WDPCP: variants seen among roughly 807,000 people sequenced by gnomAD.
WDPCP encodes the protein WD repeat containing planar cell polarity effector, also known as WD repeat-containing and planar cell polarity effector protein fritz homolog.
In WDPCP, 71 loss-of-function variants were observed where a neutral mutation model predicts 93.1. The observed-to-expected ratio is 0.76, with a 90% CI of 0.63 to 0.93. WDPCP has a LOEUF of 0.93. Among genes scored for constraint, WDPCP ranks in the 40% least tolerant of loss-of-function variants. The pLI is 0.00. For synonymous variants in WDPCP, 315 were observed against 315.0 expected, an observed-to-expected ratio of 1.00 and a Z score of 0.00; for missense variants, 844 against 887.4, an observed-to-expected ratio of 0.95 and a Z score of 0.62.
chr2:63,804,565 A>G (rs948007929), intron 2 of WDPCP, among the ~76,000 whole-genome samples: 3 of 151,112 alleles, frequency 2.0e-5, no homozygotes, highest in African/African-American at 7.3e-5. Context: ...CAAGCCAGAC[A>G]CTTATCCTAA....
intron 14 of WDPCP, among the ~76,000 whole-genome samples, chr2:63,259,010 C>G (rs1433936728): frequency 2.0e-5 from 3 of 152,088 alleles, no homozygotes; most frequent in African/African-American, 7.2e-5. Context: ...ATTTTAGTAA[C>G]AGCACTATGA....
chr2:63,497,587 T>C lies in WDPCP; in HGVS notation c.76-4647A>G, dbSNP rs183214371. 1.4e-4 allele frequency among the ~76,000 whole-genome samples: 21 copies of C among 152,256 alleles called. No homozygotes were observed. In the East Asian group the frequency reaches 3.7e-3, roughly 27 times the overall value. On this transcript the variant is annotated intron_variant, in intron 1 of 17. Transcript: ENST00000272321. ...GTTTGTAAAAATCTTTAATAATAAC[T>C]AGATGGGCAAGGTGGGAGAGGACCA...
intron 3 of WDPCP, among the ~76,000 whole-genome samples, chr2:63,612,869 G>A (rs1413408250): frequency 1.3e-5 from 2 of 151,642 alleles, no homozygotes; most frequent in Non-Finnish European, 2.9e-5. Context: ...TAGGCAGGTA[G>A]GGGAAAAATG....
chr2:63,561,408 G>A (rs951644774), intron 1 of WDPCP, among the ~76,000 whole-genome samples: 1 of 151,912 alleles, frequency 6.6e-6, no homozygotes, highest in African/African-American at 2.4e-5. Flanking sequence ...AACCCGGGAG[G>A]CGGAGGTTAC....
chr2:63,139,398 C>T (rs1354448834), intron 17 of WDPCP, among the ~76,000 whole-genome samples: 1 of 152,188 alleles, frequency 6.6e-6, no homozygotes, highest in Non-Finnish European at 1.5e-5. Context: ...GGAATCTCCA[C>T]ACTGTTTTCC....
upstream of WDPCP, among the ~76,000 whole-genome samples, chr2:63,830,893 A>ATT (rs1046546127): frequency 2.6e-5 from 4 of 152,114 alleles, no homozygotes; most frequent in African/African-American, 9.7e-5. Flanking sequence ...CAATTCCTAA[A>ATT]TTTATACCAG....
At chr2:63,529,294 G>T (rs989391295) in intron 1 of WDPCP, among the ~76,000 whole-genome samples, 3 of 152,144 alleles carry the variant, frequency 2.0e-5, no homozygotes, top group Non-Finnish European at 4.4e-5. Flanking sequence ...TCTTGTGCAA[G>T]TTTTCAAAGG....
chr2:63,565,585 G>C (rs1706982601), intron 1 of WDPCP, among the ~76,000 whole-genome samples: 1 of 152,116 alleles, frequency 6.6e-6, no homozygotes, highest in Admixed American at 6.6e-5. Flanking sequence ...CCAATGCCTT[G>C]CTAAATGTAA....
rs550653610 is a variant in WDPCP at position 63,457,170 on chromosome 2, T to A, written c.385-17299A>T. On this transcript the variant is annotated intron_variant, in intron 6 of 17. Coordinates refer to ENST00000272321, the MANE Select transcript of WDPCP (RefSeq NM_015910.7). ...CATTACAACTGATGCCACAGAAATG[T>A]AAAAGATCATCAGGGACTAAGAGGT... 5.4e-4 allele frequency among the ~76,000 whole-genome samples: 82 copies of A among 151,592 alleles called. No individual in the cohort carries two copies. The Middle Eastern group carries it at 0.01, about 19-fold the overall frequency.
intron 2 of WDPCP, among the ~76,000 whole-genome samples, chr2:63,785,406 A>AT (rs201358139): frequency 0.013 from 1,935 of 151,034 alleles, 18 homozygotes; most frequent in Non-Finnish European, 0.015. Flanking sequence ...GGGTAGTGTC[A>AT]TTTTTTTTTA....
At position 63,369,664 on chromosome 2, in the gene WDPCP, C is replaced by G. The variant is rs144848717; in HGVS notation, c.1748+8722G>C. Among the ~76,000 whole-genome samples the G allele has an allele frequency of 1.0e-2, 1,514 of 152,060 alleles. 14 individuals carry two copies. The highest frequency in any genetic ancestry group is 0.016 in the Non-Finnish European group (1,057 of 67,984). ...TGTCACGCCTAATAAGCAGACTATC[C>G]CCACTCTTACCTCTATCTGTACAAT... is the stretch of plus-strand genomic sequence containing the variant. On this transcript the variant is annotated intron_variant, in intron 12 of 17. Coordinates refer to ENST00000272321, the MANE Select transcript of WDPCP (RefSeq NM_015910.7).
At chr2:63,610,411 G>A (rs2106633633) in intron 3 of WDPCP, among the ~76,000 whole-genome samples, 1 of 152,146 alleles carries the variant, frequency 6.6e-6, no homozygotes, top group South Asian at 2.1e-4. Context: ...ACATAAAGAA[G>A]GAGTGGGGGA....
chr2:63,364,893 C>A (rs1015375639), intron 12 of WDPCP, among the ~76,000 whole-genome samples: 1 of 152,106 alleles, frequency 6.6e-6, no homozygotes. Context: ...AAGGGCCAAA[C>A]AGTAATACAC....
chr2:63,372,935 C>G (rs2104795710), intron 12 of WDPCP, among the ~76,000 whole-genome samples: 1 of 152,146 alleles, frequency 6.6e-6, no homozygotes. Context: ...ACCAGCCTGA[C>G]CAACATGGAG....
chr2:63,171,824 G>T (rs368470929), intron 15 of WDPCP, among the ~76,000 whole-genome samples: 2 of 152,026 alleles, frequency 1.3e-5, no homozygotes, highest in African/African-American at 4.8e-5. Context: ...AGCAAAATGT[G>T]GCACATCCAT....
chr2:63,238,012 AACAAC>A (rs1315982221), intron 14 of WDPCP, among the ~76,000 whole-genome samples: 1 of 151,920 alleles, frequency 6.6e-6, no homozygotes, highest in African/African-American at 2.4e-5. Context: ...TAAAAAAAAA[AACAAC>A]AAAATGCAGC....
chr2:63,660,588 G>T (rs1438411897), intron 2 of WDPCP, among the ~76,000 whole-genome samples: 1 of 152,050 alleles, frequency 6.6e-6, no homozygotes, highest in Non-Finnish European at 1.5e-5. Flanking sequence ...AAAGCTCAAT[G>T]TCACAAACCT....
intron 14 of WDPCP, among the ~76,000 whole-genome samples, chr2:63,192,567 AAAGAGG>A: frequency 6.6e-6 from 1 of 152,372 alleles, no homozygotes; most frequent in East Asian, 1.9e-4. Context: ...ACTGAGGGTC[AAAGAGG>A]TTAATTGGCT....
intron 14 of WDPCP, among the ~76,000 whole-genome samples, chr2:63,175,912 G>A (rs1673767706): frequency 1.3e-5 from 2 of 152,030 alleles, no homozygotes; most frequent in South Asian, 2.1e-4. Context: ...AGATATCTCC[G>A]AGACCCTGCT....
Sources: allele counts gnomAD v4.1 joint callset (sites outside exome capture counted in the v4.1 genomes callset), GRCh38; gene constraint gnomAD v4.1.1; transcripts MANE v1.5; gene names NCBI Gene and HGNC (gene_info 2026-07-23, HGNC 2026-07-21).